Variants in TENM2 observed in about 807,000 individuals in gnomAD.
The protein encoded by TENM2 is teneurin-2.
In TENM2, 52 loss-of-function variants were observed where a neutral mutation model predicts 245.2. That is an observed-to-expected ratio of 0.21 (90% CI 0.17 to 0.27). TENM2 has a LOEUF of 0.27. TENM2 is among the 10% of genes least tolerant of loss of function. TENM2 has a pLI of 1.00. For missense variants in TENM2, 3,046 were observed against 3,666.8 expected (o/e 0.83, Z 4.37); for synonymous variants, 1,363 against 1,438.9 (o/e 0.95, Z 1.19).
intron 1 of TENM2, among the ~76,000 whole-genome samples, chr5:167,345,823 T>C (rs958316291): frequency 6.6e-6 from 1 of 151,694 alleles, no homozygotes; most frequent in African/African-American, 2.4e-5. Flanking sequence ...GAGAGGACAC[T>C]TTTTTTTCTT....
chr5:167,685,755 AAC>A (rs1757034287), intron 2 of TENM2, among the ~76,000 whole-genome samples: 1 of 152,210 alleles, frequency 6.6e-6, no homozygotes, highest in African/African-American at 2.4e-5. Context: ...TGGTAAAAAA[AAC>A]ACACTGTGTT....
intron 2 of TENM2, among the ~76,000 whole-genome samples, chr5:167,799,818 A>G (rs942879629): frequency 6.6e-6 from 1 of 152,202 alleles, no homozygotes; most frequent in Non-Finnish European, 1.5e-5. Flanking sequence ...GTCTAAATAC[A>G]TTATCTATGA....
At chr5:167,896,830 T>C (rs1293565863) in intron 3 of TENM2, among the ~76,000 whole-genome samples, 1 of 152,228 alleles carries the variant, frequency 6.6e-6, no homozygotes. Context: ...GGATAGAAGC[T>C]GGGAAGTGGA....
chr5:167,614,023 A>G (rs1777631916), intron 2 of TENM2, among the ~76,000 whole-genome samples: 1 of 152,076 alleles, frequency 6.6e-6, no homozygotes, highest in Non-Finnish European at 1.5e-5. Flanking sequence ...AATTTTAGGA[A>G]TCTTTAGAAA....
intron 2 of TENM2, among the ~76,000 whole-genome samples, chr5:167,431,084 T>G (rs2127442133): frequency 6.6e-6 from 1 of 152,314 alleles, no homozygotes; most frequent in South Asian, 2.1e-4. Flanking sequence ...TTTAAACCTT[T>G]GAATATAGAA....
intron 2 of TENM2, among the ~76,000 whole-genome samples, chr5:167,391,647 A>AAAAAAAAAAAAAT (rs70976420): frequency 3.2e-5 from 4 of 126,838 alleles, no homozygotes; most frequent in Non-Finnish European, 3.1e-5. Context: ...AAAAAAAAAA[A>AAAAAAAAAAAAAT]GCACTCTCAA....
At chr5:167,967,749 G>T (rs974590834) in intron 4 of TENM2, among the ~76,000 whole-genome samples, 7 of 152,146 alleles carry the variant, frequency 4.6e-5, no homozygotes, top group Non-Finnish European at 1.0e-4. Context: ...TGTAAATGTC[G>T]AAGACTCTGG....
At chr5:167,985,124 C>T (rs1278006827) in intron 4 of TENM2, among the ~76,000 whole-genome samples, 1 of 152,210 alleles carries the variant, frequency 6.6e-6, no homozygotes, top group Non-Finnish European at 1.5e-5. Context: ...CTTCAAAGTG[C>T]ATGGCCAGAA....
intron 6 of TENM2, among the ~76,000 whole-genome samples, chr5:168,053,496 G>A (rs552119077): frequency 1.1e-4 from 16 of 151,974 alleles, no homozygotes; most frequent in Non-Finnish European, 1.8e-4. Flanking sequence ...CTGATATGTT[G>A]GCCCTTCATA....
At chr5:168,100,751 G>C (rs1224584035) in intron 9 of TENM2, among the ~76,000 whole-genome samples, 2 of 151,984 alleles carry the variant, frequency 1.3e-5, no homozygotes, top group Non-Finnish European at 2.9e-5. Context: ...GGGGGCTAGG[G>C]GAGAGATAGC....
chr5:168,230,931 C>T (rs1764829992), intron 25 of TENM2: 1 of 152,234 alleles, frequency 6.6e-6, no homozygotes, highest in East Asian at 1.9e-4. Flanking sequence ...AACAAATTAA[C>T]CCTGAAATCT....
chr5:167,262,792 G>T, the TENM2 span, among the ~76,000 whole-genome samples: 2 of 151,916 alleles, frequency 1.3e-5, no homozygotes, highest in Non-Finnish European at 2.9e-5. Flanking sequence ...GACAAATCAG[G>T]TCCCTTTCAG....
intron 2 of TENM2, among the ~76,000 whole-genome samples, chr5:167,435,603 G>C (rs958442881): frequency 5.9e-5 from 9 of 152,192 alleles, no homozygotes; most frequent in African/African-American, 2.2e-4. Context: ...GGTACCAGTA[G>C]AGTGGGGAGC....
chr5:167,824,788 T>G (rs1423609056), intron 2 of TENM2, among the ~76,000 whole-genome samples: 2 of 152,238 alleles, frequency 1.3e-5, no homozygotes, highest in Non-Finnish European at 2.9e-5. Context: ...ATGGTTTATG[T>G]GAACACACCT....
intron 2 of TENM2, among the ~76,000 whole-genome samples, chr5:167,470,453 G>GC (rs1490287088): frequency 1.8e-4 from 2 of 10,818 alleles, no homozygotes; most frequent in Non-Finnish European, 3.5e-4. Flanking sequence ...GGCAATGCTT[G>GC]CTTTTTTTTT....
intron 2 of TENM2, among the ~76,000 whole-genome samples, chr5:167,858,830 G>T (rs940324036): frequency 6.8e-6 from 1 of 147,070 alleles, no homozygotes; most frequent in Non-Finnish European, 1.5e-5. Flanking sequence ...GGGAGGCAGC[G>T]GCTGGAGGAG....
intron 2 of TENM2, among the ~76,000 whole-genome samples, chr5:167,639,269 A>G (rs1195351416): frequency 6.6e-6 from 1 of 152,230 alleles, no homozygotes; most frequent in East Asian, 1.9e-4. Flanking sequence ...ATGCTAAATA[A>G]ACCAGGAGAA....
At chr5:168,147,356 G>A (rs150649949) in intron 12 of TENM2, among the ~76,000 whole-genome samples, 4 of 152,292 alleles carry the variant, frequency 2.6e-5, no homozygotes, top group South Asian at 4.1e-4. Flanking sequence ...CAACCACAGC[G>A]TTGCACACAG....
chr5:167,697,588 C>G (rs1333917759), intron 2 of TENM2, among the ~76,000 whole-genome samples: 1 of 152,112 alleles, frequency 6.6e-6, no homozygotes, highest in East Asian at 1.9e-4. Flanking sequence ...TGCAGTGGCA[C>G]CATCTCGGCT....
Sources: gnomAD v4.1 joint callset for allele counts (sites outside exome capture counted in the v4.1 genomes callset) on GRCh38, gnomAD v4.1.1 for gene constraint, MANE v1.5 for transcripts, NCBI Gene and HGNC (gene_info 2026-07-23, HGNC 2026-07-21) for gene names.